NR3C2: variants seen among roughly 807,000 people sequenced by gnomAD.
NR3C2 encodes the protein mineralocorticoid receptor.
In NR3C2, 15 loss-of-function variants were observed where a neutral mutation model predicts 86.4. That is an observed-to-expected ratio of 0.17 (90% CI 0.12 to 0.27). The LOEUF (loss-of-function observed/expected upper bound fraction) is 0.27, where lower values mean the gene tolerates loss of function less well. NR3C2 is among the 10% of genes least tolerant of loss of function. NR3C2 has a pLI of 1.00. For missense variants in NR3C2, 960 were observed against 1,195.6 expected, an observed-to-expected ratio of 0.80 and a Z score of 2.91; for synonymous variants, 458 against 450.5, an observed-to-expected ratio of 1.02 and a Z score of -0.21.
chr4:148,085,440 C>G (rs967688014), intron 8 of NR3C2, among the ~76,000 whole-genome samples: 2 of 152,120 alleles, frequency 1.3e-5, no homozygotes, highest in African/African-American at 4.8e-5. Flanking sequence ...TTCTTTGAAA[C>G]CAATGAGAGC....
intron 8 of NR3C2, among the ~76,000 whole-genome samples, chr4:148,107,947 G>A (rs992009968): frequency 6.6e-6 from 1 of 152,020 alleles, no homozygotes; most frequent in African/African-American, 2.4e-5. Context: ...AAACCACCAT[G>A]GCACATGTAT....
At chr4:148,267,826 C>T (rs1409514971) in intron 2 of NR3C2, among the ~76,000 whole-genome samples, 1 of 152,044 alleles carries the variant, frequency 6.6e-6, no homozygotes, top group African/African-American at 2.4e-5. Flanking sequence ...ATAAATCAAC[C>T]TTTAACAACT....
At chr4:148,407,884 C>T (rs1748499698) in intron 2 of NR3C2, among the ~76,000 whole-genome samples, 1 of 152,030 alleles carries the variant, frequency 6.6e-6, no homozygotes, top group African/African-American at 2.4e-5. Context: ...TATTTTCTTC[C>T]AATAATATAT....
rs5522 is a variant in NR3C2 at position 148,436,323 on chromosome 4, C to T, written c.538G>A (p.Val180Ile). ...SSVNGGVMRA[V>I]VKSPIMCHEK... ...TGACACATGATAGGGCTTTTAACAA[C>T]GGCGCGCATGACGCCACCATTCACG... The change falls in exon 2 of 9, where the codon GTT (valine) becomes ATT (isoleucine). Residue 180 changes from valine to isoleucine, a missense_variant. Val to Ile is a conservative substitution (Grantham distance 29, BLOSUM62 3). This residue lies in a region of NR3C2 where 680 missense variants were observed against 719.0 expected (regional missense o/e 0.95). Transcript: ENST00000358102. 0.88 allele frequency: 1,426,366 copies of T among 1,614,056 alleles called. 630,883 individuals are homozygous for T. Among genetic ancestry groups the T allele is most frequent in the Middle Eastern group, 0.92 (5,602 of 6,062 alleles).
Position 148,401,066 on chromosome 4 carries a change from G to A in NR3C2, c.1757+34038C>T, listed in dbSNP as rs117029097. Among the ~76,000 whole-genome samples, 530 of 152,322 alleles carry A rather than the reference G, an allele frequency of 3.5e-3. 15 individuals are homozygous for A. The highest frequency in any genetic ancestry group is 0.028 in the Admixed American group (426 of 15,298). On this transcript the variant is annotated intron_variant, in intron 2 of 8. Coordinates refer to ENST00000358102, the MANE Select transcript of NR3C2 (RefSeq NM_000901.5). Reference sequence around the variant, plus strand: ...TTCACTATGTTCCAGGTGCTGGTCAGATGTTTTACACATTACTTCATTTAA... The same window carrying A: ...TTCACTATGTTCCAGGTGCTGGTCAAATGTTTTACACATTACTTCATTTAA...
At chr4:148,412,407 A>C (rs76243025) in intron 2 of NR3C2, among the ~76,000 whole-genome samples, 4 of 152,198 alleles carry the variant, frequency 2.6e-5, no homozygotes, top group African/African-American at 9.7e-5. Context: ...AGAATACATA[A>C]GTGAAGTAAA....
At chr4:148,250,964 A>G (rs1310846367) in intron 3 of NR3C2, among the ~76,000 whole-genome samples, 1 of 148,416 alleles carries the variant, frequency 6.7e-6, no homozygotes, top group Non-Finnish European at 1.5e-5. Context: ...TTTGGGGGGG[A>G]GTGGGGGACA....
chr4:148,119,699 T>A (rs1732425776), intron 7 of NR3C2, among the ~76,000 whole-genome samples: 1 of 150,886 alleles, frequency 6.6e-6, no homozygotes, highest in South Asian at 2.1e-4. Context: ...GGCAGGAGAA[T>A]CGCTTGAACC....
At chr4:148,216,121 T>A (rs1560982622) in intron 3 of NR3C2, among the ~76,000 whole-genome samples, 1 of 152,248 alleles carries the variant, frequency 6.6e-6, no homozygotes, top group East Asian at 1.9e-4. Flanking sequence ...ATAGATGATA[T>A]ATAAATGAAT....
At chr4:148,134,093 A>T (rs1398705517) in intron 6 of NR3C2, among the ~76,000 whole-genome samples, 1 of 152,194 alleles carries the variant, frequency 6.6e-6, no homozygotes, top group African/African-American at 2.4e-5. Flanking sequence ...CTAAAAGCTG[A>T]TACATCATCT....
chr4:148,345,558 T>C (rs1744948920), intron 2 of NR3C2, among the ~76,000 whole-genome samples: 1 of 152,032 alleles, frequency 6.6e-6, no homozygotes, highest in Non-Finnish European at 1.5e-5. Context: ...ACCATTTTCT[T>C]ACATAAGACA....
intron 2 of NR3C2, among the ~76,000 whole-genome samples, chr4:148,293,176 T>C (rs1274630146): frequency 6.6e-6 from 1 of 152,196 alleles, no homozygotes; most frequent in Non-Finnish European, 1.5e-5. Context: ...TATACATGTA[T>C]ATATAATAAT....
In NR3C2 at chr4:148,214,891, C is replaced by T. The variant is rs61758908; in HGVS notation, c.1898-20029G>A. 6.5e-3 allele frequency among the ~76,000 whole-genome samples: 985 copies of T among 152,312 alleles called. 10 individuals are homozygous for T. Among genetic ancestry groups the T allele is most frequent in the Non-Finnish European group, 0.011 (715 of 68,014 alleles). On this transcript the variant is annotated intron_variant, in intron 3 of 8. Transcript: ENST00000358102. ...AAAAAATTATGCAGGCCAAACAAAACATCTTGGCTGGCTTGATTTCAATCT... is the reference window on the plus strand; with the variant it reads ...AAAAAATTATGCAGGCCAAACAAAATATCTTGGCTGGCTTGATTTCAATCT...
intron 2 of NR3C2, among the ~76,000 whole-genome samples, chr4:148,267,903 CT>C (rs2149880771): frequency 6.7e-6 from 1 of 150,020 alleles, no homozygotes; most frequent in Admixed American, 6.6e-5. Context: ...GCTGCATTTC[CT>C]TTTGTTTTGA....
chr4:148,224,855 A>G (rs1248271382), intron 3 of NR3C2, among the ~76,000 whole-genome samples: 1 of 152,190 alleles, frequency 6.6e-6, no homozygotes, highest in Non-Finnish European at 1.5e-5. Flanking sequence ...GAAATTAACA[A>G]ATGTTTATTT....
intron 8 of NR3C2, among the ~76,000 whole-genome samples, chr4:148,107,468 C>T (rs1036482151): frequency 2.6e-5 from 4 of 152,162 alleles, no homozygotes; most frequent in African/African-American, 9.7e-5. Context: ...ACCAGAAATA[C>T]CATTTGACTC....
intron 2 of NR3C2, among the ~76,000 whole-genome samples, chr4:148,295,913 T>A (rs1258031782): frequency 6.6e-6 from 1 of 151,992 alleles, no homozygotes; most frequent in Non-Finnish European, 1.5e-5. Flanking sequence ...ATAGGAGCTC[T>A]AATAATTGCA....
At chr4:148,103,796 G>A (rs184367550) in intron 8 of NR3C2, among the ~76,000 whole-genome samples, 1 of 152,164 alleles carries the variant, frequency 6.6e-6, no homozygotes, top group East Asian at 1.9e-4. Context: ...ACCTCTACGC[G>A]GAGTTACATA....
intron 8 of NR3C2, among the ~76,000 whole-genome samples, chr4:148,106,545 C>T (rs1269313314): frequency 3.9e-5 from 6 of 152,072 alleles, no homozygotes; most frequent in African/African-American, 1.4e-4. Flanking sequence ...AAAAAGAGCC[C>T]GTATAGCCAA....
Sources: allele counts gnomAD v4.1 joint callset (sites outside exome capture counted in the v4.1 genomes callset), GRCh38; gene constraint gnomAD v4.1.1; regional missense constraint gnomAD v4.1.1; transcripts MANE v1.5; gene names NCBI Gene and HGNC (gene_info 2026-07-23, HGNC 2026-07-21).